Variants in PLA2G4C observed in about 807,000 individuals in gnomAD.
PLA2G4C encodes the protein cytosolic phospholipase A2 gamma.
In PLA2G4C, 64 loss-of-function variants were observed where a neutral mutation model predicts 73.8. The observed-to-expected ratio is 0.87, with a 90% CI of 0.71 to 1.07. The LOEUF is 1.07. Ranked by LOEUF, PLA2G4C falls within the 50% of genes least tolerant of loss-of-function variation. The probability of loss-of-function intolerance (pLI) is 0.00; values close to 1 mark genes in which losing one functional copy is unlikely to be tolerated. For missense variants in PLA2G4C, 622 were observed against 665.4 expected (o/e 0.93, Z 0.72); for synonymous variants, 254 against 252.1 (o/e 1.01, Z -0.07).
intron 14 of PLA2G4C, among the ~76,000 whole-genome samples, chr19:48,059,163 C>T (rs768313968): frequency 4.6e-5 from 7 of 150,652 alleles, no homozygotes; most frequent in Admixed American, 2.7e-4. Flanking sequence ...CTCAGCTACT[C>T]GGGAGGCTGA....
intron 6 of PLA2G4C, chr19:48,097,256 T>TC (rs2031635146): frequency 1.3e-5 from 1 of 76,292 alleles, no homozygotes; most frequent in African/African-American, 4.5e-5. Flanking sequence ...TTTTTCTTTT[T>TC]TTTTTTTTTT....
chr19:48,097,946 G>C, intron 6 of PLA2G4C, 193 bp downstream of exon 6: 1 of 537,894 alleles, frequency 1.9e-6, no homozygotes, highest in East Asian at 3.2e-5. Flanking sequence ...TCCATGCAAA[G>C]CAAGTGCATG....
chr19:48,061,179 T>C (rs958247248), intron 14 of PLA2G4C, among the ~76,000 whole-genome samples: 14 of 151,438 alleles, frequency 9.2e-5, no homozygotes, highest in African/African-American at 3.4e-4. Flanking sequence ...TCCCAGCTAC[T>C]TGGGAGGGTG....
At chr19:48,080,803 CAAA>C (rs200460762) in intron 10 of PLA2G4C, among the ~76,000 whole-genome samples, 17 of 115,736 alleles carry the variant, frequency 1.5e-4, no homozygotes, top group Admixed American at 1.7e-4. Flanking sequence ...GACTCTGCCT[CAAA>C]AAAAAAAAAA....
intron 3 of PLA2G4C, among the ~76,000 whole-genome samples, chr19:48,105,082 C>CAAAAAAAAAAAAAA (rs3083068): frequency 5.7e-5 from 5 of 87,566 alleles, no homozygotes; most frequent in Admixed American, 1.4e-4. Flanking sequence ...GACGTTGTCT[C>CAAAAAAAAAAAAAA]AAAAAAAAAA....
chr19:48,058,392 C>T (rs1906486045), intron 14 of PLA2G4C, among the ~76,000 whole-genome samples: 1 of 152,116 alleles, frequency 6.6e-6, no homozygotes, highest in Admixed American at 6.5e-5. Context: ...CCCACCTTGG[C>T]CTCCCAAAGC....
chr19:48,109,903 CT>C (rs2032406735), intron 1 of PLA2G4C, among the ~76,000 whole-genome samples: 1 of 151,906 alleles, frequency 6.6e-6, no homozygotes, highest in Non-Finnish European at 1.5e-5. Context: ...CCCGCCTCGT[CT>C]TCCCAAAGGG....
chr19:48,110,350 AAAAAT>A (rs1311350345), intron 1 of PLA2G4C, 132 bp downstream of exon 1: 24 of 574,620 alleles, frequency 4.2e-5, no homozygotes, highest in South Asian at 1.3e-4. Context: ...TGTCTCAAAA[AAAAAT>A]AAATAAATAA....
chr19:48,107,464 A>G (rs1404444754), intron 1 of PLA2G4C, among the ~76,000 whole-genome samples: 1 of 147,484 alleles, frequency 6.8e-6, no homozygotes, highest in Non-Finnish European at 1.5e-5. Context: ...TGACCAGAAG[A>G]CAAGTGTGAG....
chr19:48,066,190 C>T (rs1968414879), intron 13 of PLA2G4C, among the ~76,000 whole-genome samples: 1 of 152,118 alleles, frequency 6.6e-6, no homozygotes, highest in South Asian at 2.1e-4. Context: ...CCCCACTTCC[C>T]ATCAGGGACT....
chr19:48,056,832 C>CAAAA (rs34317694), intron 14 of PLA2G4C, among the ~76,000 whole-genome samples: 3 of 83,746 alleles, frequency 3.6e-5, no homozygotes, highest in Admixed American at 1.5e-4. Context: ...GACTCTGTCT[C>CAAAA]AAAAAAAAAA....
At chr19:48,050,840 A>G (rs1375854744) in intron 16 of PLA2G4C, among the ~76,000 whole-genome samples, 1 of 151,300 alleles carries the variant, frequency 6.6e-6, no homozygotes, top group Non-Finnish European at 1.5e-5. Context: ...ATGCCTTGCT[A>G]TTTTTTTGTA....
intron 12 of PLA2G4C, among the ~76,000 whole-genome samples, chr19:48,070,003 C>T (rs940331240): frequency 6.6e-6 from 1 of 152,056 alleles, no homozygotes; most frequent in Non-Finnish European, 1.5e-5. Flanking sequence ...CTCCTGACCT[C>T]AGGTGATTCA....
At chr19:48,067,709 G>A in intron 13 of PLA2G4C, 82 bp downstream of exon 13, 1 of 934,102 alleles carries the variant, frequency 1.1e-6, no homozygotes, top group South Asian at 1.3e-5. Context: ...GCCTGGGATT[G>A]TTTCAGGCCC....
chr19:48,081,541 T>TTC, intron 10 of PLA2G4C, among the ~76,000 whole-genome samples: 1 of 151,498 alleles, frequency 6.6e-6, no homozygotes, highest in Non-Finnish European at 1.5e-5. Context: ...GTGGATCACC[T>TTC]GAGGTCAGGA....
chr19:48,081,744 A>G (rs1024435416), intron 10 of PLA2G4C, among the ~76,000 whole-genome samples: 14 of 140,692 alleles, frequency 1.0e-4, no homozygotes, highest in Admixed American at 3.5e-4. Flanking sequence ...GGGCAACAAG[A>G]GTGAAATTCC....
rs116421749 is a variant in PLA2G4C, at chr19:48,093,870, G to A, written c.709+1594C>T. ...GAGTGAGTTCTCACGAGATCTGATG[G>A]TTTGATAAGTGTTGGGCAGCTCTTC... On this transcript the variant is annotated intron_variant, in intron 7 of 16. Coordinates refer to ENST00000599921, the MANE Select transcript of PLA2G4C (RefSeq NM_003706.3). Among the ~76,000 whole-genome samples the A allele has an allele frequency of 1.0e-3, 153 of 152,264 alleles. 1 individual carries two copies. The highest frequency in any genetic ancestry group is 3.6e-3 in the African/African-American group (148 of 41,558).
intron 11 of PLA2G4C, among the ~76,000 whole-genome samples, chr19:48,075,806 C>G (rs1472032375): frequency 6.6e-6 from 1 of 151,856 alleles, no homozygotes; most frequent in Non-Finnish European, 1.5e-5. Flanking sequence ...GTTGTTGAGA[C>G]AGGTTGTCGC....
intron 10 of PLA2G4C, among the ~76,000 whole-genome samples, chr19:48,081,415 C>A (rs1208704881): frequency 6.6e-6 from 1 of 152,068 alleles, no homozygotes; most frequent in Non-Finnish European, 1.5e-5. Context: ...AGTGGCATAA[C>A]GGACTTCAGA....
Sources: allele counts gnomAD v4.1 joint callset (sites outside exome capture counted in the v4.1 genomes callset), GRCh38; gene constraint gnomAD v4.1.1; transcripts MANE v1.5; gene names NCBI Gene and HGNC (gene_info 2026-07-23, HGNC 2026-07-21).